Variants in TENM2 observed in about 807,000 individuals in gnomAD.
TENM2 encodes teneurin transmembrane protein 2.
Under a neutral mutation model 245.2 loss-of-function variants are expected in TENM2, and 52 were observed. The observed-to-expected ratio is 0.21, with a 90% CI of 0.17 to 0.27. TENM2 has a LOEUF of 0.27. Ranked by LOEUF, TENM2 falls within the 10% of genes least tolerant of loss-of-function variation. TENM2 has a pLI of 1.00. For synonymous variants in TENM2, 1,363 were observed against 1,438.9 expected, an observed-to-expected ratio of 0.95 and a Z score of 1.19; for missense variants, 3,046 against 3,666.8, an observed-to-expected ratio of 0.83 and a Z score of 4.37.
At chr5:167,732,610 G>A (rs1760514504) in intron 2 of TENM2, among the ~76,000 whole-genome samples, 1 of 152,182 alleles carries the variant, frequency 6.6e-6, no homozygotes, top group African/African-American at 2.4e-5. Flanking sequence ...CTCTTATTGT[G>A]TTCTGGCTAG....
chr5:167,566,747 C>T lies in TENM2; in HGVS notation c.502+191274C>T, dbSNP rs186508605. Among the ~76,000 whole-genome samples the T allele has an allele frequency of 3.9e-5, 6 of 152,242 alleles. No homozygotes were observed. In the East Asian group the frequency reaches 7.7e-4, roughly 20 times the overall value. On this transcript the variant is annotated intron_variant, in intron 2 of 28. Transcript: ENST00000518659. ...CTGTATTCAACTCAATGGAGAGGAA[C>T]GTAAATTCTTACTTAGAGTTTCATT... is the stretch of plus-strand genomic sequence containing the variant.
the TENM2 span, among the ~76,000 whole-genome samples, chr5:167,259,737 TCTC>T: frequency 2.0e-5 from 3 of 151,974 alleles, no homozygotes; most frequent in African/African-American, 7.3e-5. Context: ...TTTTTTTTTG[TCTC>T]CTCGTATCCC....
the TENM2 span, among the ~76,000 whole-genome samples, chr5:167,260,663 G>A: frequency 6.6e-6 from 1 of 152,128 alleles, no homozygotes; most frequent in Non-Finnish European, 1.5e-5. Flanking sequence ...TAGGCACTGT[G>A]GAAGACAGGA....
intron 2 of TENM2, among the ~76,000 whole-genome samples, chr5:167,451,713 A>T (rs1350847333): frequency 6.6e-6 from 1 of 151,214 alleles, no homozygotes; most frequent in Non-Finnish European, 1.5e-5. Flanking sequence ...CAGTGGCGCG[A>T]CCTGGGCTCA....
intron 2 of TENM2, among the ~76,000 whole-genome samples, chr5:167,765,049 T>A (rs1762917913): frequency 6.6e-6 from 1 of 152,140 alleles, no homozygotes; most frequent in African/African-American, 2.4e-5. Context: ...CGAGTGCCTG[T>A]CCTTGGGCTG....
intron 8 of TENM2, among the ~76,000 whole-genome samples, chr5:168,093,155 C>A (rs1793085151): frequency 6.6e-6 from 1 of 152,230 alleles, no homozygotes. Context: ...CTAAACTTAG[C>A]ACCTTTTCTG....
Position 167,743,456 on chromosome 5 carries a change from G to A in TENM2, c.503-132530G>A, listed in dbSNP as rs147046521. 2.3e-3 allele frequency among the ~76,000 whole-genome samples: 355 copies of A among 152,116 alleles called. 6 individuals carry two copies. Among genetic ancestry groups the A allele is most frequent in the South Asian group, 0.02 (96 of 4,806 alleles). On this transcript the variant is annotated intron_variant, in intron 2 of 28. Transcript: ENST00000518659. ...GCCACGATTCTTAAATGATGTTTAG[G>A]GTAACTATTCGAACCGACAAAAAGG... is the stretch of plus-strand genomic sequence containing the variant.
At chr5:167,143,947 A>G in the TENM2 span, among the ~76,000 whole-genome samples, 578 of 152,188 alleles carry the variant, frequency 3.8e-3, 3 homozygotes, top group Non-Finnish European at 5.2e-3. Context: ...AAAAAGAGCC[A>G]TTGGTGATGA....
intron 2 of TENM2, among the ~76,000 whole-genome samples, chr5:167,446,834 C>T (rs77631446): frequency 0.022 from 3,229 of 149,636 alleles, 93 homozygotes; most frequent in African/African-American, 0.069. Flanking sequence ...CACAGACATA[C>T]ATACAGATAC....
At chr5:168,031,832 G>A (rs576252944) in intron 5 of TENM2, among the ~76,000 whole-genome samples, 7 of 151,150 alleles carry the variant, frequency 4.6e-5, no homozygotes, top group Admixed American at 2.0e-4. Context: ...AAGGAGGAAG[G>A]GAAAGAAAGA....
chr5:167,769,392 A>G (rs528547237), intron 2 of TENM2, among the ~76,000 whole-genome samples: 1 of 152,320 alleles, frequency 6.6e-6, no homozygotes, highest in South Asian at 2.1e-4. Flanking sequence ...GATAACATTT[A>G]ACATCATTTT....
the TENM2 span, among the ~76,000 whole-genome samples, chr5:167,134,035 T>C: frequency 5.9e-5 from 9 of 152,162 alleles, no homozygotes; most frequent in Admixed American, 2.0e-4. Context: ...TCTGCAGAAA[T>C]GTAGTTGGCA....
At chr5:167,105,045 T>A in the TENM2 span, among the ~76,000 whole-genome samples, 1 of 152,264 alleles carries the variant, frequency 6.6e-6, no homozygotes, top group Non-Finnish European at 1.5e-5. Context: ...TATTTTAGAT[T>A]TGCTGTCTAT....
chr5:167,924,957 C>CG (rs1777638234), intron 3 of TENM2, among the ~76,000 whole-genome samples: 1 of 152,096 alleles, frequency 6.6e-6, no homozygotes, highest in Non-Finnish European at 1.5e-5. Flanking sequence ...CTGGTACAAC[C>CG]ATTTTGGAAA....
At chr5:167,739,635 A>C (rs985411931) in intron 2 of TENM2, among the ~76,000 whole-genome samples, 1 of 152,154 alleles carries the variant, frequency 6.6e-6, no homozygotes, top group East Asian at 1.9e-4. Flanking sequence ...GGACTTTAGG[A>C]GATACAGTGT....
intron 1 of TENM2, among the ~76,000 whole-genome samples, chr5:167,321,782 C>CTATT (rs1728346083): frequency 1.7e-5 from 1 of 59,738 alleles, no homozygotes; most frequent in African/African-American, 6.5e-5. Flanking sequence ...GCTGCCTTGG[C>CTATT]TTATTTTTTT....
rs1003829131 is a variant in TENM2, at chr5:168,157,919, G to GTGT, written c.2423-4675_2423-4673dup. On this transcript the variant is annotated intron_variant, in intron 12 of 28. Transcript: ENST00000518659. ...TGTGGGTTGTTGTTTGTTGTTGTTGGTGTTGTTGTTGTTGTTGTTTTGAGA... is the reference window on the plus strand; with the variant it reads ...TGTGGGTTGTTGTTTGTTGTTGTTGGTGTTGTTGTTGTTGTTGTTGTTTTGAGA... Among the ~76,000 whole-genome samples the GTGT allele has an allele frequency of 1.3e-4, 19 of 151,952 alleles. No homozygotes were observed. The South Asian group carries it at 1.5e-3, about 12-fold the overall frequency.
chr5:167,650,158 C>A (rs926048964), intron 2 of TENM2, among the ~76,000 whole-genome samples: 1 of 152,284 alleles, frequency 6.6e-6, no homozygotes, highest in South Asian at 2.1e-4. Context: ...GCTGCATTCC[C>A]TGGGTCTCAA....
rs572945461 is a variant in TENM2 at position 168,164,570 on chromosome 5, A to T, written c.2569+1813A>T. Among the ~76,000 whole-genome samples the T allele has an allele frequency of 1.1e-4, 16 of 152,182 alleles. No individual in the cohort carries two copies. The South Asian group carries it at 1.2e-3, about 12-fold the overall frequency. ...CATTTACTCTCCGGCCCTTTACAGG[A>T]GAAGTTTTCTGTCTCCTGTTCTAAA... is the stretch of plus-strand genomic sequence containing the variant. On this transcript the variant is annotated intron_variant, in intron 13 of 28. Coordinates refer to ENST00000518659, the Ensembl canonical transcript of TENM2.
Sources: allele counts gnomAD v4.1 joint callset (sites outside exome capture counted in the v4.1 genomes callset), GRCh38; gene constraint gnomAD v4.1.1; transcripts MANE v1.5; gene names NCBI Gene and HGNC (gene_info 2026-07-23, HGNC 2026-07-21).